SLIT2: variants seen among roughly 807,000 people sequenced by gnomAD.
SLIT2 encodes the protein slit homolog 2 protein.
A neutral mutation model predicts 185.7 loss-of-function variants in SLIT2; 41 were observed. That is an observed-to-expected ratio of 0.22 (90% confidence interval 0.17 to 0.29). The LOEUF (loss-of-function observed/expected upper bound fraction) is 0.29. Among genes scored for constraint, SLIT2 ranks in the 10% least tolerant of loss-of-function variants. The probability of loss-of-function intolerance (pLI) is 1.00; values close to 1 mark genes in which losing one functional copy is unlikely to be tolerated. For missense variants in SLIT2, 1,571 were observed against 1,909.0 expected (o/e 0.82, Z 3.30); for synonymous variants, 693 against 680.2 (o/e 1.02, Z -0.29).
intron 11 of SLIT2, among the ~76,000 whole-genome samples, chr4:20,511,592 T>TTTTTTTTTTTTTTTTTTTA (rs1553915372): frequency 7.5e-6 from 1 of 133,436 alleles, no homozygotes; most frequent in African/African-American, 2.8e-5. Flanking sequence ...AGCTAATTTT[T>TTTTTTTTTTTTTTTTTTTA]TTTTTTTTTT....
chr4:20,421,188 G>T (rs1324603216), intron 4 of SLIT2, among the ~76,000 whole-genome samples: 1 of 152,102 alleles, frequency 6.6e-6, no homozygotes, highest in East Asian at 1.9e-4. Flanking sequence ...TTTGGTGAAG[G>T]ATGAGGGATG....
chr4:20,549,657 T>C (rs1168131656), intron 24 of SLIT2, among the ~76,000 whole-genome samples: 1 of 151,918 alleles, frequency 6.6e-6, no homozygotes, highest in Non-Finnish European at 1.5e-5. Context: ...AAGCCACAGA[T>C]ATTAATAGGA....
intron 1 of SLIT2, among the ~76,000 whole-genome samples, chr4:20,255,496 A>T (rs1711717999): frequency 1.3e-5 from 2 of 152,200 alleles, no homozygotes; most frequent in African/African-American, 4.8e-5. Context: ...GAATAGCCCA[A>T]CAATTTTAGG....
chr4:20,573,718 A>G (rs1441355056), intron 29 of SLIT2, among the ~76,000 whole-genome samples: 1 of 152,118 alleles, frequency 6.6e-6, no homozygotes, highest in African/African-American at 2.4e-5. Context: ...AGTAACATGT[A>G]ACATGAAAAA....
intron 4 of SLIT2, among the ~76,000 whole-genome samples, chr4:20,462,549 T>C (rs1030890702): frequency 6.6e-6 from 1 of 152,174 alleles, no homozygotes; most frequent in Admixed American, 6.5e-5. Context: ...CACCAGATGC[T>C]AACTCCTAAC....
chr4:20,618,995 A>G lies in SLIT2; in HGVS notation c.4576A>G (p.Arg1526Gly). The change falls in exon 37 of 37, where the codon AGG (arginine) becomes GGG (glycine). Residue 1526 changes from arginine to glycine, a missense_variant. Arg to Gly is a moderately radical substitution (Grantham distance 125). Coordinates refer to ENST00000504154, the MANE Select transcript of SLIT2 (RefSeq NM_004787.4). ...VEKVVKCGCT[R>G]CVS ...GAAAGTGGTGAAGTGCGGCTGTACG[A>G]GGTGTGTGTCCTAAACACACTCCCG... 1.2e-6 allele frequency: 2 copies of G among 1,613,836 alleles called. No homozygotes were observed. The highest frequency in any genetic ancestry group is 1.7e-6 in the Non-Finnish European group (2 of 1,179,742).
intron 21 of SLIT2, among the ~76,000 whole-genome samples, 186 bp downstream of exon 21, chr4:20,542,812 CTGTG>C (rs753747459): frequency 2.5e-4 from 28 of 110,988 alleles, no homozygotes; most frequent in African/African-American, 3.3e-4. Flanking sequence ...TTGGGAATTG[CTGTG>C]TGTGTGTGTG....
intron 29 of SLIT2, among the ~76,000 whole-genome samples, chr4:20,578,004 C>G (rs904113979): frequency 6.6e-6 from 1 of 152,162 alleles, no homozygotes; most frequent in African/African-American, 2.4e-5. Flanking sequence ...AATGAACAGT[C>G]TACCCATCTC....
intron 4 of SLIT2, among the ~76,000 whole-genome samples, chr4:20,369,334 C>G (rs904242801): frequency 6.6e-6 from 1 of 151,938 alleles, no homozygotes; most frequent in Non-Finnish European, 1.5e-5. Context: ...GCAGAGGTTC[C>G]TTTTCCTCTG....
intron 4 of SLIT2, among the ~76,000 whole-genome samples, chr4:20,461,454 C>A (rs1044079108): frequency 6.6e-6 from 1 of 152,110 alleles, no homozygotes; most frequent in African/African-American, 2.4e-5. Context: ...AATTTGTAAA[C>A]CTTTATGACA....
At chr4:20,275,032 T>G (rs1714024586) in intron 4 of SLIT2, among the ~76,000 whole-genome samples, 1 of 152,124 alleles carries the variant, frequency 6.6e-6, no homozygotes, top group African/African-American at 2.4e-5. Flanking sequence ...ATGTAAAAAA[T>G]ATATCGTATA....
intron 9 of SLIT2, 99 bp downstream of exon 9, chr4:20,491,998 C>A: frequency 8.7e-7 from 1 of 1,147,058 alleles, no homozygotes; most frequent in Non-Finnish European, 1.3e-6. Flanking sequence ...CACATCTGAT[C>A]AATTGGCTTA....
chr4:20,467,410 C>T (rs1211915932), intron 4 of SLIT2, among the ~76,000 whole-genome samples: 1 of 151,908 alleles, frequency 6.6e-6, no homozygotes, highest in East Asian at 1.9e-4. Context: ...CCTCAGAATC[C>T]CCTGAAACTG....
At position 20,406,723 on chromosome 4, in the gene SLIT2, A is replaced by C. The variant is rs531041296; in HGVS notation, c.396-61029A>C. Among the ~76,000 whole-genome samples the C allele has an allele frequency of 2.1e-5, 3 of 144,634 alleles. 1 individual carries two copies. In the South Asian group the frequency reaches 7.3e-4, roughly 35 times the overall value. 94.9% of individuals were successfully genotyped at this position (144,634 alleles called of 152,430 possible). A position where few individuals can be genotyped will look rare whatever the true frequency, so the allele number is the denominator to read the frequency against. Reference sequence around the variant, plus strand: ...AACATTGCCACTGGGGGCATAAATCAGTACAATTAGTATGGAAAACTGTTT... The same window carrying C: ...AACATTGCCACTGGGGGCATAAATCCGTACAATTAGTATGGAAAACTGTTT... On this transcript the variant is annotated intron_variant, in intron 4 of 36. Coordinates refer to ENST00000504154, the MANE Select transcript of SLIT2 (RefSeq NM_004787.4).
chr4:20,261,660 A>C (rs930982033), intron 3 of SLIT2, among the ~76,000 whole-genome samples: 3 of 151,880 alleles, frequency 2.0e-5, no homozygotes, highest in East Asian at 3.9e-4. Flanking sequence ...AAGTATGAGA[A>C]AGTTTTTGAA....
chr4:20,541,692 T>C, intron 20 of SLIT2, 73 bp downstream of exon 20: 2 of 1,301,094 alleles, frequency 1.5e-6, no homozygotes, highest in Non-Finnish European at 2.2e-6. Context: ...TGCACAAATC[T>C]ACAGCATAGT....
intron 4 of SLIT2, among the ~76,000 whole-genome samples, chr4:20,425,800 A>T (rs1218997595): frequency 6.6e-6 from 1 of 152,132 alleles, no homozygotes; most frequent in African/African-American, 2.4e-5. Flanking sequence ...TTTGCTGAAA[A>T]CTTAAAGTAG....
At chr4:20,344,874 AT>A (rs1721260965) in intron 4 of SLIT2, among the ~76,000 whole-genome samples, 1 of 152,166 alleles carries the variant, frequency 6.6e-6, no homozygotes, top group Non-Finnish European at 1.5e-5. Context: ...TTGTTTAAAT[AT>A]GAAAGATATT....
In SLIT2 at chr4:20,518,897, C is replaced by T. The variant is rs144565666; in HGVS notation, c.1059-485C>T. On this transcript the variant is annotated intron_variant, in intron 11 of 36. Coordinates refer to ENST00000504154, the MANE Select transcript of SLIT2 (RefSeq NM_004787.4). ...CTGGGATTACAGGCGTGAGCCACCG[C>T]GCCCGGCCATGTATATATTTTTAAA... Among the ~76,000 whole-genome samples the T allele has an allele frequency of 8.9e-3, 1,355 of 151,582 alleles. 19 individuals carry two copies. Among genetic ancestry groups the T allele is most frequent in the African/African-American group, 0.031 (1,286 of 41,332 alleles).
Sources: gnomAD v4.1 joint callset for allele counts (sites outside exome capture counted in the v4.1 genomes callset) on GRCh38, gnomAD v4.1.1 for gene constraint, MANE v1.5 for transcripts, NCBI Gene and HGNC (gene_info 2026-07-23, HGNC 2026-07-21) for gene names.